Variants in TMEM232 observed in about 807,000 individuals in gnomAD.
TMEM232 encodes transmembrane protein 232.
TMEM232 carries 80 observed loss-of-function variants against 78.8 expected under a neutral mutation model. The ratio of observed to expected loss-of-function variants is 1.01; its 90% CI spans 0.85 to 1.22. The LOEUF is 1.22. Among genes scored for constraint, TMEM232 ranks in the 50% most tolerant of loss-of-function variants. The probability of loss-of-function intolerance (pLI) is 0.00; values close to 1 mark genes in which losing one functional copy is unlikely to be tolerated. For synonymous variants in TMEM232, 297 were observed against 254.3 expected (o/e 1.17, Z -1.60); for missense variants, 881 against 742.2 (o/e 1.19, Z -2.17).
intron 11 of TMEM232, among the ~76,000 whole-genome samples, chr5:110,537,019 C>A (rs1472473058): frequency 6.6e-6 from 1 of 152,110 alleles, no homozygotes; most frequent in Non-Finnish European, 1.5e-5. Flanking sequence ...TAAGACAGGG[C>A]TCAAAAGGTG....
In TMEM232 at chr5:110,638,033, A is replaced by G. The variant is rs183602138; in HGVS notation, c.501+165T>C. Among the ~76,000 whole-genome samples the G allele has an allele frequency of 3.4e-3, 512 of 152,210 alleles. 3 individuals carry two copies. The highest frequency in any genetic ancestry group is 6.0e-3 in the Non-Finnish European group (410 of 67,966). On this transcript the variant is annotated intron_variant, in intron 5 of 13. Coordinates refer to ENST00000455884, the MANE Select transcript of TMEM232 (RefSeq NM_001039763.4). Reference sequence around the variant, plus strand: ...TCAAACTATCTCCATTTAGATATTAAGCAATAATAACGTACTACTCACAAT... The same window carrying G: ...TCAAACTATCTCCATTTAGATATTAGGCAATAATAACGTACTACTCACAAT...
At chr5:110,729,598 G>C (rs1798484555), upstream of TMEM232, among the ~76,000 whole-genome samples, 1 of 152,224 alleles carries the variant, frequency 6.6e-6, no homozygotes, top group Non-Finnish European at 1.5e-5. Context: ...TATGACAGAA[G>C]TTTGGCCAAG....
Position 110,606,729 on chromosome 5 carries a change from T to G in TMEM232, c.903-442A>C, listed in dbSNP as rs539812257. ...GCCTTCTTCTAAGATACTCCAAAGATTCAACACTCTTTGATTTTGGAAAAA... is the reference window on the plus strand; with the variant it reads ...GCCTTCTTCTAAGATACTCCAAAGAGTCAACACTCTTTGATTTTGGAAAAA... On this transcript the variant is annotated intron_variant, in intron 8 of 13. Transcript: ENST00000455884. Among the ~76,000 whole-genome samples, 3 of 152,132 alleles carry G rather than the reference T, an allele frequency of 2.0e-5. No homozygotes were observed. In the South Asian group the frequency reaches 6.2e-4, roughly 32 times the overall value.
chr5:110,713,727 G>A (rs1433110473), intron 1 of TMEM232, among the ~76,000 whole-genome samples: 1 of 151,746 alleles, frequency 6.6e-6, no homozygotes, highest in South Asian at 2.1e-4. Flanking sequence ...AAAAAAGACA[G>A]CTTTATCTTC....
At chr5:110,560,829 C>T (rs1013957302) in intron 11 of TMEM232, among the ~76,000 whole-genome samples, 2 of 152,176 alleles carry the variant, frequency 1.3e-5, no homozygotes, top group African/African-American at 4.8e-5. Context: ...TACCCAGCTC[C>T]AGCCAATAAA....
At chr5:110,581,152 G>GA (rs946929318) in intron 10 of TMEM232, among the ~76,000 whole-genome samples, 1 of 151,140 alleles carries the variant, frequency 6.6e-6, no homozygotes, top group Non-Finnish European at 1.5e-5. Flanking sequence ...TACAGAAATA[G>GA]AAAAAAAACA....
intron 1 of TMEM232, among the ~76,000 whole-genome samples, chr5:110,735,215 C>G (rs1170342027): frequency 1.3e-5 from 2 of 152,290 alleles, no homozygotes; most frequent in Non-Finnish European, 2.9e-5. Flanking sequence ...GAATGACTTG[C>G]TTGCTCTGCA....
At chr5:110,653,705 C>T (rs1452666692) in intron 2 of TMEM232, among the ~76,000 whole-genome samples, 2 of 151,998 alleles carry the variant, frequency 1.3e-5, no homozygotes, top group East Asian at 1.9e-4. Flanking sequence ...ATGTTTTTGG[C>T]CCACATGACT....
At chr5:110,648,664 C>A (rs916604831) in intron 2 of TMEM232, among the ~76,000 whole-genome samples, 1 of 151,928 alleles carries the variant, frequency 6.6e-6, no homozygotes, top group Non-Finnish European at 1.5e-5. Context: ...CTGGGACCAC[C>A]GCTTATGGTA....
At chr5:110,608,883 C>T (rs555381877) in intron 8 of TMEM232, among the ~76,000 whole-genome samples, 18 of 152,102 alleles carry the variant, frequency 1.2e-4, no homozygotes, top group African/African-American at 4.1e-4. Context: ...CAAGTATCAG[C>T]ATATTGACTT....
chr5:110,430,341 A>G (rs1266446977), intron 12 of TMEM232, among the ~76,000 whole-genome samples: 1 of 151,038 alleles, frequency 6.6e-6, no homozygotes, highest in Non-Finnish European at 1.5e-5. Context: ...ACCATCTCCA[A>G]TACTTAGACG....
At chr5:110,676,752 T>TTTAA (rs1792080082) in intron 1 of TMEM232, among the ~76,000 whole-genome samples, 1 of 149,006 alleles carries the variant, frequency 6.7e-6, no homozygotes, top group African/African-American at 2.5e-5. Flanking sequence ...TATTTATTTA[T>TTTAA]TTATTTATTT....
At position 110,642,342 on chromosome 5, in the gene TMEM232, A is replaced by G. The variant is rs1786856416; in HGVS notation, c.155T>C (p.Ile52Thr). 6.5e-7 allele frequency: 1 copy of G among 1,530,242 alleles called. No individual in the cohort carries two copies. The highest frequency in any genetic ancestry group is 1.4e-5 in the African/African-American group (1 of 71,684). The allele number at this position is 1,530,242 out of a possible 1,614,324, so 94.8% of individuals were successfully genotyped here. A position where few individuals can be genotyped will look rare whatever the true frequency, so the allele number is the denominator to read the frequency against. ...ATTTTGTGTTTGATTGAATCTCAAG[A>G]TGAATTCTTTTGTGATTGAAAATGT... is the stretch of plus-strand genomic sequence containing the variant. ...RPTFSITKEF[I>T]LRFNQTQNSK... The change falls in exon 3 of 14, where the codon ATC (isoleucine) becomes ACC (threonine). Residue 52 changes from isoleucine (I) to threonine (T), a missense_variant. By Grantham distance (89) the Ile-to-Thr change is moderately conservative. Transcript: ENST00000455884.
chr5:110,433,330 C>G (rs1758065970), intron 12 of TMEM232, among the ~76,000 whole-genome samples: 1 of 151,738 alleles, frequency 6.6e-6, no homozygotes, highest in African/African-American at 2.4e-5. Context: ...GAAGAACTCT[C>G]AAAGCCATAG....
chr5:110,552,158 C>A (rs1774550309), intron 11 of TMEM232, among the ~76,000 whole-genome samples: 1 of 151,976 alleles, frequency 6.6e-6, no homozygotes, highest in Non-Finnish European at 1.5e-5. Context: ...AATAAATGTT[C>A]TAAAGTTCCA....
At position 110,625,340 on chromosome 5, in the gene TMEM232, CTTTTACCTATAAT is replaced by C; in HGVS notation, c.682_694del (p.Ile228GlufsTer51). The C allele has an allele frequency of 6.5e-7, 1 of 1,547,842 alleles. No homozygotes were observed. The highest frequency in any genetic ancestry group is 8.7e-7 in the Non-Finnish European group (1 of 1,144,792). ...AAAAATGGATTCAGAACGGAGTTCT[CTTTTACCTATAAT>C]TTCCGAGGCTTTCAGGATGAATTGC... On this transcript the variant is annotated frameshift_variant, in exon 7 of 14. Coordinates refer to ENST00000455884, the MANE Select transcript of TMEM232 (RefSeq NM_001039763.4). LOFTEE classifies it high-confidence loss of function.
intron 1 of TMEM232, among the ~76,000 whole-genome samples, chr5:110,697,680 A>C (rs1190328030): frequency 6.6e-6 from 1 of 152,232 alleles, no homozygotes; most frequent in Non-Finnish European, 1.5e-5. Flanking sequence ...TTTATGCAGC[A>C]ACAGACACAT....
intron 10 of TMEM232, among the ~76,000 whole-genome samples, chr5:110,577,891 G>C (rs1035960592): frequency 6.6e-6 from 1 of 151,846 alleles, no homozygotes; most frequent in Admixed American, 6.6e-5. Flanking sequence ...GGTGGGAGGA[G>C]GGAGAAGATC....
At chr5:110,648,084 G>C (rs1190093054) in intron 2 of TMEM232, among the ~76,000 whole-genome samples, 1 of 151,928 alleles carries the variant, frequency 6.6e-6, no homozygotes, top group Non-Finnish European at 1.5e-5. Context: ...CCAATAAATA[G>C]AAACATGGAG....
Sources: allele counts gnomAD v4.1 joint callset (sites outside exome capture counted in the v4.1 genomes callset), GRCh38; gene constraint gnomAD v4.1.1; transcripts MANE v1.5; gene names NCBI Gene and HGNC (gene_info 2026-07-23, HGNC 2026-07-21).